Variants in ZDHHC20 observed in about 807,000 individuals in gnomAD.
ZDHHC20 encodes the protein palmitoyltransferase ZDHHC20.
ZDHHC20 carries 43 observed loss-of-function variants against 57.8 expected under a neutral mutation model. That is an observed-to-expected ratio of 0.74 (90% CI 0.58 to 0.96). The LOEUF is 0.96. Ranked by LOEUF, ZDHHC20 falls within the 40% of genes least tolerant of loss-of-function variation. The pLI, the probability that ZDHHC20 is intolerant of heterozygous loss-of-function variation, is 0.00. For missense variants in ZDHHC20, 391 were observed against 441.1 expected, an observed-to-expected ratio of 0.89 and a Z score of 1.02; for synonymous variants, 157 against 153.0, an observed-to-expected ratio of 1.03 and a Z score of -0.19.
At chr13:21,448,384 G>A (rs1457530879) in intron 1 of ZDHHC20, among the ~76,000 whole-genome samples, 7 of 96,610 alleles carry the variant, frequency 7.2e-5, no homozygotes, top group African/African-American at 2.4e-4. Flanking sequence ...TCAGCCCCCC[G>A]CCCGGCCAGC....
intron 12 of ZDHHC20, chr13:21,376,961 C>T (rs894181060): frequency 4.3e-5 from 8 of 186,034 alleles, no homozygotes; most frequent in South Asian, 3.2e-4. Context: ...CTAAGATTGG[C>T]GCAAGATGTA....
intron 1 of ZDHHC20, among the ~76,000 whole-genome samples, chr13:21,447,934 G>A (rs1353923229): frequency 1.8e-4 from 19 of 106,146 alleles, no homozygotes; most frequent in East Asian, 1.3e-3. Context: ...CTGCCCCGCC[G>A]CCCCATCTGG....
chr13:21,445,791 G>A lies in ZDHHC20; in HGVS notation c.118+13263C>T, dbSNP rs144271263. On this transcript the variant is annotated intron_variant, in intron 1 of 12. Transcript: ENST00000400590. ...CGACTGGAGAGAAACAAAAATAACT[G>A]TATGTCAAGTAATAATAGGCGCTAT... is the stretch of plus-strand genomic sequence containing the variant. Among the ~76,000 whole-genome samples, 1,449 of 152,230 alleles carry A rather than the reference G, an allele frequency of 9.5e-3. 18 individuals are homozygous for A. Among genetic ancestry groups the A allele is most frequent in the African/African-American group, 0.032 (1,309 of 41,538 alleles).
chr13:21,421,212 G>A, intron 2 of ZDHHC20, 48 bp from the exon 3 acceptor site: 1 of 1,481,746 alleles, frequency 6.7e-7, no homozygotes, highest in Admixed American at 1.8e-5. Context: ...GGTGAAAACA[G>A]CAAAAAGCAT....
chr13:21,456,569 C>A (rs556394382), intron 1 of ZDHHC20, among the ~76,000 whole-genome samples: 2 of 152,090 alleles, frequency 1.3e-5, no homozygotes, highest in African/African-American at 2.4e-5. Flanking sequence ...CAAATACATA[C>A]AAGTAGTTTA....
intron 7 of ZDHHC20, 69 bp from the exon 8 acceptor site, chr13:21,391,923 A>T (rs1360832087): frequency 6.7e-7 from 1 of 1,485,836 alleles, no homozygotes; most frequent in African/African-American, 1.4e-5. Context: ...GTTCTGTCTA[A>T]AGATTGTTGA....
intron 2 of ZDHHC20, among the ~76,000 whole-genome samples, chr13:21,421,860 C>A (rs199563758): frequency 6.6e-6 from 1 of 152,240 alleles, no homozygotes; most frequent in East Asian, 1.9e-4. Context: ...TAATGCAGCA[C>A]CATAAACCCA....
chr13:21,381,296 G>C, intron 11 of ZDHHC20, 138 bp downstream of exon 11: 2 of 745,044 alleles, frequency 2.7e-6, no homozygotes, highest in Non-Finnish European at 4.3e-6. Context: ...GTGAGCCACC[G>C]CGCCCAGCAT....
intron 8 of ZDHHC20, among the ~76,000 whole-genome samples, chr13:21,390,906 G>GAA (rs572777035): frequency 8.2e-6 from 1 of 122,282 alleles, no homozygotes; most frequent in Non-Finnish European, 1.8e-5. Context: ...TCAAAAAAAA[G>GAA]AAAAAAAAAA....
chr13:21,434,059 A>C (rs1046339205), intron 1 of ZDHHC20, among the ~76,000 whole-genome samples: 1 of 152,058 alleles, frequency 6.6e-6, no homozygotes, highest in African/African-American at 2.4e-5. Flanking sequence ...CTAGTCTGGT[A>C]ATCAACAGGG....
chr13:21,374,919 A>T lies in ZDHHC20; in HGVS notation c.*1777T>A, dbSNP rs1871806518. The stretch of plus-strand genomic sequence containing the variant: ...GAAGCTGAGGTGGGTGGATTATTTG[A>T]GGTCAGGAGTTAGTGATCAGCCTGG... On this transcript the variant is annotated 3_prime_UTR_variant, in exon 13 of 13. Coordinates refer to ENST00000400590, the MANE Select transcript of ZDHHC20 (RefSeq NM_001330059.2). 1 of 335,400 alleles carries T rather than the reference A, an allele frequency of 3.0e-6. No homozygotes were observed. Among genetic ancestry groups the T allele is most frequent in the Non-Finnish European group, 5.8e-6 (1 of 171,388 alleles). The allele number at this position is 335,400 out of a possible 1,614,324, so 20.8% of individuals were successfully genotyped here.
At position 21,372,584 on chromosome 13, in the gene ZDHHC20, C is replaced by A. The variant is rs1871380669; in HGVS notation, c.*4112G>T. 6.6e-6 allele frequency: 1 copy of A among 152,014 alleles called. No homozygotes were observed. Among genetic ancestry groups the A allele is most frequent in the Non-Finnish European group, 1.5e-5 (1 of 67,992 alleles). 9.4% of individuals were successfully genotyped at this position (152,014 alleles called of 1,614,324 possible). A position where few individuals can be genotyped will look rare whatever the true frequency, so the allele number is the denominator to read the frequency against. Reference sequence around the variant, plus strand: ...CAAAGAAAACACTTCAAATACAAGACTTTGTTTATTAATAAAGTAATTCAT... The same window carrying A: ...CAAAGAAAACACTTCAAATACAAGAATTTGTTTATTAATAAAGTAATTCAT... On this transcript the variant is annotated 3_prime_UTR_variant, in exon 13 of 13. Transcript: ENST00000400590.
intron 1 of ZDHHC20, among the ~76,000 whole-genome samples, chr13:21,447,008 T>C (rs1342195600): frequency 2.6e-5 from 4 of 151,974 alleles, no homozygotes; most frequent in South Asian, 2.1e-4. Flanking sequence ...ATCTTGAGAA[T>C]AGGAGTAACA....
In ZDHHC20 at chr13:21,431,155, C is replaced by G. The variant is rs956473064; in HGVS notation, c.119-5477G>C. 2.6e-4 allele frequency among the ~76,000 whole-genome samples: 39 copies of G among 151,956 alleles called. 1 individual carries two copies. Among genetic ancestry groups the G allele is most frequent in the African/African-American group, 9.4e-4 (39 of 41,340 alleles). On this transcript the variant is annotated intron_variant, in intron 1 of 12. Transcript: ENST00000400590. ...TTTCACGCTGGTGATAAAGACATAC[C>G]CAAGACTAGGAAGAAAAAGAGGTTT...
intron 1 of ZDHHC20, among the ~76,000 whole-genome samples, chr13:21,452,245 C>T (rs932726280): frequency 3.6e-5 from 5 of 137,526 alleles, no homozygotes; most frequent in Admixed American, 7.4e-5. Context: ...TCTTAATGTG[C>T]GACAGAAATT....
At chr13:21,402,676 A>T (rs997206431) in intron 5 of ZDHHC20, 121 bp downstream of exon 5, 2 of 779,640 alleles carry the variant, frequency 2.6e-6, no homozygotes, top group African/African-American at 1.7e-5. Context: ...CACAGCAAAT[A>T]ATGGGAGAGG....
Position 21,455,363 on chromosome 13 carries a change from TTC to T in ZDHHC20, c.118+3689_118+3690del, listed in dbSNP as rs756455939. Among the ~76,000 whole-genome samples the T allele has an allele frequency of 6.6e-5, 10 of 152,296 alleles. No individual in the cohort carries two copies. The South Asian group carries it at 1.7e-3, about 25-fold the overall frequency. On this transcript the variant is annotated intron_variant, in intron 1 of 12. Transcript: ENST00000400590. ...ACAAGATGACCTGAACAACAAGATA[TTC>T]TGATAAAACCTTGGGAACCAGAATT...
At chr13:21,379,760 T>A (rs1457043161) in intron 11 of ZDHHC20, among the ~76,000 whole-genome samples, 5 of 152,120 alleles carry the variant, frequency 3.3e-5, no homozygotes, top group Non-Finnish European at 5.9e-5. Flanking sequence ...CCTCAATTCA[T>A]AAATGATTAA....
chr13:21,407,655 G>T (rs1248155110), intron 4 of ZDHHC20, among the ~76,000 whole-genome samples: 1 of 152,136 alleles, frequency 6.6e-6, no homozygotes, highest in Non-Finnish European at 1.5e-5. Context: ...GGCTTTTGTT[G>T]CAATTGCTTT....
Sources: gnomAD v4.1 joint callset for allele counts (sites outside exome capture counted in the v4.1 genomes callset) on GRCh38, gnomAD v4.1.1 for gene constraint, MANE v1.5 for transcripts, NCBI Gene and HGNC (gene_info 2026-07-23, HGNC 2026-07-21) for gene names.